The following CLEC16A variants were observed in gnomAD, a reference collection of about 807,000 sequenced individuals.
The protein encoded by CLEC16A is protein CLEC16A.
A neutral mutation model predicts 109.5 loss-of-function variants in CLEC16A; 51 were observed. That is an observed-to-expected ratio of 0.47 (90% CI 0.37 to 0.59). The LOEUF is 0.59. Ranked by LOEUF, CLEC16A falls within the 20% of genes least tolerant of loss-of-function variation. The pLI, the probability that CLEC16A is intolerant of heterozygous loss-of-function variation, is 0.00. For missense variants in CLEC16A, 1,339 were observed against 1,394.0 expected, an observed-to-expected ratio of 0.96 and a Z score of 0.63; for synonymous variants, 673 against 564.2, an observed-to-expected ratio of 1.19 and a Z score of -2.73.
At chr16:11,015,181 G>A (rs1194460715) in intron 11 of CLEC16A, among the ~76,000 whole-genome samples, 1 of 152,192 alleles carries the variant, frequency 6.6e-6, no homozygotes, top group Non-Finnish European at 1.5e-5. Context: ...AGAAAATTAA[G>A]TGGAGCCACT....
intron 8 of CLEC16A, among the ~76,000 whole-genome samples, chr16:10,978,730 C>A (rs192507727): frequency 1.3e-5 from 2 of 152,186 alleles, no homozygotes. Flanking sequence ...CTCTGGGAGG[C>A]AGAGACAAAG....
chr16:11,084,260 A>G (rs1597332454), intron 19 of CLEC16A, among the ~76,000 whole-genome samples: 1 of 152,050 alleles, frequency 6.6e-6, no homozygotes, highest in Non-Finnish European at 1.5e-5. Flanking sequence ...CTTCCTAGCA[A>G]AATCTTCCCT....
At chr16:10,978,095 G>A (rs545313928) in intron 8 of CLEC16A, among the ~76,000 whole-genome samples, 1 of 152,350 alleles carries the variant, frequency 6.6e-6, no homozygotes, top group East Asian at 1.9e-4. Context: ...TGCGCAGCAT[G>A]GAGGGAAGGG....
At chr16:11,163,950 G>A (rs185499927) in intron 22 of CLEC16A, among the ~76,000 whole-genome samples, 21 of 152,258 alleles carry the variant, frequency 1.4e-4, no homozygotes, top group Non-Finnish European at 1.9e-4. Flanking sequence ...GGGGTTTACC[G>A]CTCTAAGTGA....
chr16:11,117,866 C>A (rs902443647), intron 19 of CLEC16A, among the ~76,000 whole-genome samples: 2 of 152,224 alleles, frequency 1.3e-5, no homozygotes, highest in Non-Finnish European at 2.9e-5. Context: ...CAGAGGATTG[C>A]ATACAGCGGT....
intron 7 of CLEC16A, 120 bp from the exon 8 acceptor site, chr16:10,977,105 C>G (rs564722585): frequency 1.1e-6 from 1 of 935,634 alleles, no homozygotes; most frequent in South Asian, 1.6e-5. Context: ...ATAAGTGTCT[C>G]TTGAGACTAA....
At chr16:10,959,150 A>G (rs2042135039) in intron 2 of CLEC16A, among the ~76,000 whole-genome samples, 1 of 152,142 alleles carries the variant, frequency 6.6e-6, no homozygotes, top group Non-Finnish European at 1.5e-5. Context: ...CCGAATAAGA[A>G]GGATATTACC....
intron 22 of CLEC16A, among the ~76,000 whole-genome samples, chr16:11,165,567 T>A (rs1381652700): frequency 6.6e-6 from 1 of 152,216 alleles, no homozygotes; most frequent in Non-Finnish European, 1.5e-5. Context: ...GTGATAATAG[T>A]TCTTTCATTT....
chr16:11,126,452 T>C (rs1355633499), intron 22 of CLEC16A: 3 of 1,295,444 alleles, frequency 2.3e-6, no homozygotes, highest in East Asian at 5.1e-5. Context: ...TGATTAGTGC[T>C]GAAGTTGTGG....
rs2041733 is a variant in CLEC16A, at chr16:11,135,732, T to G, written c.2641+9586T>G. 3.9e-5 allele frequency among the ~76,000 whole-genome samples: 6 copies of G among 152,210 alleles called. No homozygotes were observed. The South Asian group carries it at 6.2e-4, about 16-fold the overall frequency. On this transcript the variant is annotated intron_variant, in intron 22 of 23. Transcript: ENST00000409790. ...GCAATCTGCCATTTGACCTGGGCCA[T>G]GCCTTAGAATGTTCTGTAGGCTCGG...
At chr16:11,124,086 C>G (rs753557273) in intron 21 of CLEC16A, 140 bp downstream of exon 21, 113 of 814,856 alleles carry the variant, frequency 1.4e-4, no homozygotes, top group Middle Eastern at 3.7e-4. Context: ...TATACGAATA[C>G]GAGGAAGTTC....
intron 22 of CLEC16A, among the ~76,000 whole-genome samples, chr16:11,132,852 T>G (rs2053311143): frequency 6.6e-6 from 1 of 152,076 alleles, no homozygotes; most frequent in Non-Finnish European, 1.5e-5. Flanking sequence ...GATGCATTGG[T>G]GGATGGGAGG....
At chr16:11,016,463 C>G (rs1017717629) in intron 11 of CLEC16A, among the ~76,000 whole-genome samples, 1 of 151,854 alleles carries the variant, frequency 6.6e-6, no homozygotes, top group Middle Eastern at 3.2e-3. Flanking sequence ...ATTCTCATGC[C>G]TCAGCCTCCC....
chr16:11,105,423 C>G (rs189005184), intron 19 of CLEC16A, among the ~76,000 whole-genome samples: 21 of 152,340 alleles, frequency 1.4e-4, no homozygotes, highest in African/African-American at 4.6e-4. Flanking sequence ...TGCCCCCATA[C>G]ATGTTCTGGA....
intron 13 of CLEC16A, among the ~76,000 whole-genome samples, chr16:11,039,501 C>G (rs1459881114): frequency 6.6e-6 from 1 of 152,130 alleles, no homozygotes; most frequent in Non-Finnish European, 1.5e-5. Flanking sequence ...GGCGCAGTGG[C>G]TCACAACAGT....
chr16:10,981,052 G>A (rs1324207318), intron 9 of CLEC16A, among the ~76,000 whole-genome samples: 11 of 152,114 alleles, frequency 7.2e-5, no homozygotes, highest in Admixed American at 7.2e-4. Context: ...GTGCTTCCAC[G>A]TACCTTACAG....
rs187891836 is a variant in CLEC16A at position 11,148,920 on chromosome 16, C to T, written c.2642-17468C>T. Reference sequence around the variant, plus strand: ...TCTGTGTAGGAGGCAGGATGTACTTCTATCCATAGAAGGGCTCTCATGATT... The same window carrying T: ...TCTGTGTAGGAGGCAGGATGTACTTTTATCCATAGAAGGGCTCTCATGATT... On this transcript the variant is annotated intron_variant, in intron 22 of 23. Transcript: ENST00000409790. Among the ~76,000 whole-genome samples the T allele has an allele frequency of 5.3e-5, 8 of 152,334 alleles. No individual in the cohort carries two copies. In the East Asian group the frequency reaches 1.5e-3, roughly 29 times the overall value.
At chr16:11,005,644 A>G (rs1475400347) in intron 11 of CLEC16A, among the ~76,000 whole-genome samples, 6 of 152,282 alleles carry the variant, frequency 3.9e-5, no homozygotes, top group Middle Eastern at 3.4e-3. Context: ...TCTGAATTAT[A>G]TATTTGCTCT....
chr16:11,095,747 G>C (rs373531683), intron 19 of CLEC16A, among the ~76,000 whole-genome samples: 81 of 151,136 alleles, frequency 5.4e-4, no homozygotes, highest in African/African-American at 1.9e-3. Flanking sequence ...AGGAGGCAGA[G>C]GTTGCTATGA....
Sources: allele counts gnomAD v4.1 joint callset (sites outside exome capture counted in the v4.1 genomes callset), GRCh38; gene constraint gnomAD v4.1.1; transcripts MANE v1.5; gene names NCBI Gene and HGNC (gene_info 2026-07-23, HGNC 2026-07-21).